The following DIP2C variants were observed in gnomAD, a reference collection of about 807,000 sequenced individuals.
DIP2C encodes DIP2 acetate--CoA ligase C (putative), also known as disco-interacting protein 2 homolog C.
In DIP2C, 33 loss-of-function variants were observed where a neutral mutation model predicts 192.4. That is an observed-to-expected ratio of 0.17 (90% CI 0.13 to 0.23). The LOEUF (loss-of-function observed/expected upper bound fraction) is 0.23. DIP2C is among the 10% of genes least tolerant of loss of function. DIP2C has a pLI of 1.00. For synonymous variants in DIP2C, 979 were observed against 864.1 expected, an observed-to-expected ratio of 1.13 and a Z score of -2.33; for missense variants, 1,537 against 2,110.1, an observed-to-expected ratio of 0.73 and a Z score of 5.32.
intron 3 of DIP2C, among the ~76,000 whole-genome samples, chr10:450,355 T>C (rs1968755939): frequency 6.6e-6 from 1 of 152,220 alleles, no homozygotes; most frequent in Admixed American, 6.5e-5. Flanking sequence ...TCTGGCACCT[T>C]GACTCACTTC....
intron 1 of DIP2C, among the ~76,000 whole-genome samples, chr10:673,384 A>C (rs1443530974): frequency 2.6e-5 from 4 of 152,242 alleles, no homozygotes; most frequent in African/African-American, 9.6e-5. Flanking sequence ...AAAAGGATCC[A>C]CATGAGAGCG....
At chr10:298,290 G>T (rs1040300175) in intron 32 of DIP2C, among the ~76,000 whole-genome samples, 2 of 152,154 alleles carry the variant, frequency 1.3e-5, no homozygotes, top group African/African-American at 4.8e-5. Context: ...CTTTGGTTGG[G>T]ACTTGTCTAA....
intron 24 of DIP2C, among the ~76,000 whole-genome samples, chr10:354,796 G>A (rs1042374184): frequency 3.9e-5 from 6 of 151,962 alleles, no homozygotes; most frequent in Non-Finnish European, 8.8e-5. Context: ...GCAGATTTAG[G>A]TCACCACGTT....
intron 3 of DIP2C, among the ~76,000 whole-genome samples, chr10:458,753 G>T (rs183533050): frequency 3.4e-5 from 5 of 147,884 alleles, no homozygotes; most frequent in Non-Finnish European, 7.4e-5. Flanking sequence ...CTGCCTCACC[G>T]GCAGCACATG....
intron 22 of DIP2C, among the ~76,000 whole-genome samples, chr10:361,705 A>G (rs1321922037): frequency 6.6e-6 from 1 of 152,156 alleles, no homozygotes; most frequent in African/African-American, 2.4e-5. Context: ...CATACTACAG[A>G]AACAGCCTGG....
chr10:425,981 TTTTA>T (rs1398413143), intron 4 of DIP2C, among the ~76,000 whole-genome samples: 1 of 152,236 alleles, frequency 6.6e-6, no homozygotes, highest in African/African-American at 2.4e-5. Context: ...CTCTTGCCAC[TTTTA>T]TTTGACATTA....
At chr10:439,605 T>C (rs932472578) in intron 4 of DIP2C, among the ~76,000 whole-genome samples, 15 of 152,104 alleles carry the variant, frequency 9.9e-5, no homozygotes, top group Admixed American at 8.5e-4. Flanking sequence ...ACCGTGGCGA[T>C]AGAGCAAGAC....
chr10:492,929 T>TA (rs1354297545), intron 1 of DIP2C, among the ~76,000 whole-genome samples: 1 of 152,332 alleles, frequency 6.6e-6, no homozygotes, highest in South Asian at 2.1e-4. Context: ...CTTCTGATGT[T>TA]AAAAGAGAAT....
intron 13 of DIP2C, among the ~76,000 whole-genome samples, chr10:389,197 G>A (rs1377963367): frequency 1.3e-5 from 2 of 151,828 alleles, no homozygotes; most frequent in African/African-American, 4.8e-5. Context: ...GGGATCTCAG[G>A]GGCATGGGGG....
chr10:511,214 G>C (rs555351241), intron 1 of DIP2C, among the ~76,000 whole-genome samples: 113 of 152,314 alleles, frequency 7.4e-4, no homozygotes, highest in African/African-American at 2.6e-3. Context: ...GAGAGCAGCA[G>C]GTGCCAGCGT....
In DIP2C at chr10:369,419, C is replaced by T. The variant is rs540749982; in HGVS notation, c.2131+75G>A. The T allele has an allele frequency of 1.2e-5, 18 of 1,462,706 alleles. No individual in the cohort carries two copies. The South Asian group carries it at 1.5e-4, about 12-fold the overall frequency. The allele number at this position is 1,462,706 out of a possible 1,614,324, so 90.6% of individuals were successfully genotyped here. A position where few individuals can be genotyped will look rare whatever the true frequency, so the allele number is the denominator to read the frequency against. The stretch of plus-strand genomic sequence containing the variant: ...CCACGGGAACGCGGGAACGTGGGAA[C>T]GCAGGCTTTGGTGACATGTGTTAGA... On this transcript the variant is annotated intron_variant, in intron 18 of 36. Coordinates refer to ENST00000280886, the MANE Select transcript of DIP2C (RefSeq NM_014974.3).
chr10:613,193 T>G (rs1853219343), intron 1 of DIP2C, among the ~76,000 whole-genome samples: 1 of 152,222 alleles, frequency 6.6e-6, no homozygotes, highest in Non-Finnish European at 1.5e-5. Flanking sequence ...AAATTCAGAT[T>G]TCTAATTTCA....
chr10:575,189 T>C (rs150021168), intron 1 of DIP2C, among the ~76,000 whole-genome samples: 2 of 152,364 alleles, frequency 1.3e-5, no homozygotes, highest in East Asian at 3.8e-4. Context: ...GATTCCATGC[T>C]AATCTGAAAC....
At chr10:335,758 C>T (rs1957732387) in intron 29 of DIP2C, among the ~76,000 whole-genome samples, 1 of 152,228 alleles carries the variant, frequency 6.6e-6, no homozygotes, top group African/African-American at 2.4e-5. Flanking sequence ...CAGGCTTTTC[C>T]ACCATGAAGA....
intron 4 of DIP2C, chr10:437,781 G>T (rs973741937): frequency 1.3e-5 from 2 of 152,204 alleles, no homozygotes; most frequent in Admixed American, 6.5e-5. Flanking sequence ...CAATGCTAAT[G>T]AGAGTTTCTC....
At chr10:394,727 G>A (rs112896834) in intron 10 of DIP2C, among the ~76,000 whole-genome samples, 4 of 141,422 alleles carry the variant, frequency 2.8e-5, no homozygotes, top group Admixed American at 7.1e-5. Flanking sequence ...CACAGTGGGC[G>A]CTATTCAGCC....
chr10:327,321 C>G (rs1957318321), intron 30 of DIP2C, 145 bp from the exon 31 acceptor site: 4 of 837,368 alleles, frequency 4.8e-6, no homozygotes, highest in African/African-American at 1.7e-5. Flanking sequence ...TCCACTTCTT[C>G]AATATAACAA....
chr10:379,204 C>CCCCCCCCT (rs1491087016), intron 17 of DIP2C, among the ~76,000 whole-genome samples: 1 of 27,742 alleles, frequency 3.6e-5, no homozygotes. Context: ...CCCCCCCCCC[C>CCCCCCCCT]ACAACCCCTG....
chr10:592,201 G>A (rs1038070668), intron 1 of DIP2C, among the ~76,000 whole-genome samples: 6 of 152,128 alleles, frequency 3.9e-5, no homozygotes, highest in African/African-American at 1.4e-4. Context: ...GTAATAATCG[G>A]AGGACCCATT....
Sources: gnomAD v4.1 joint callset for allele counts (sites outside exome capture counted in the v4.1 genomes callset) on GRCh38, gnomAD v4.1.1 for gene constraint, MANE v1.5 for transcripts, NCBI Gene and HGNC (gene_info 2026-07-23, HGNC 2026-07-21) for gene names.